Variants in ATP6V1E1 observed in about 807,000 individuals in gnomAD.
The protein encoded by ATP6V1E1 is V-type proton ATPase subunit E 1.
In ATP6V1E1, 21 loss-of-function variants were observed where a neutral mutation model predicts 35.2. That is an observed-to-expected ratio of 0.60 (90% CI 0.42 to 0.86). The LOEUF (loss-of-function observed/expected upper bound fraction) is 0.86, where lower values mean the gene tolerates loss of function less well. Among genes scored for constraint, ATP6V1E1 ranks in the 40% least tolerant of loss-of-function variants. ATP6V1E1 has a pLI of 0.00. For synonymous variants in ATP6V1E1, 83 were observed against 87.8 expected (o/e 0.95, Z 0.30); for missense variants, 183 against 272.6 (o/e 0.67, Z 2.32).
Position 17,600,090 on chromosome 22 carries a change from C to A in ATP6V1E1, c.372G>T (p.Leu124Phe). 1 of 1,613,306 alleles carries A rather than the reference C, an allele frequency of 6.2e-7. No individual in the cohort carries two copies. The highest frequency in any genetic ancestry group is 8.5e-7 in the Non-Finnish European group (1 of 1,179,416). The change falls in exon 6 of 9, where the codon TTG (leucine) becomes TTT (phenylalanine). Residue 124 changes from leucine (L) to phenylalanine (F), a missense_variant. By Grantham distance (22) the Leu-to-Phe change is conservative. Coordinates refer to ENST00000253413, the MANE Select transcript of ATP6V1E1 (RefSeq NM_001696.4). ...TCATTCGGGGCTCCAGCAACTGGTA[C>A]AAACCCTGGAAGAAATAGTAGATAC... ...VLLDGLVLQG[L>F]YQLLEPRMIV...
chr22:17,594,419 A>G, intron 8 of ATP6V1E1, 110 bp downstream of exon 8: 1 of 906,286 alleles, frequency 1.1e-6, no homozygotes, highest in South Asian at 2.4e-5. Flanking sequence ...GAAAATGTCC[A>G]AAACTGGAAA....
At chr22:17,596,079 C>T (rs1007822825) in intron 7 of ATP6V1E1, among the ~76,000 whole-genome samples, 1 of 151,894 alleles carries the variant, frequency 6.6e-6, no homozygotes, top group Non-Finnish European at 1.5e-5. Flanking sequence ...TTGCAGTGAG[C>T]CGAGGTCGTG....
chr22:17,616,879 T>A (rs2057848588), intron 2 of ATP6V1E1, among the ~76,000 whole-genome samples: 1 of 115,224 alleles, frequency 8.7e-6, no homozygotes, highest in Non-Finnish European at 1.8e-5. Context: ...AAACCCCGTC[T>A]CTACTAAAAA....
intron 2 of ATP6V1E1, chr22:17,618,910 G>A: frequency 2.3e-6 from 1 of 435,740 alleles, no homozygotes; most frequent in South Asian, 1.6e-5. Context: ...TGAGGCAGGA[G>A]AATCACTTGA....
intron 4 of ATP6V1E1, among the ~76,000 whole-genome samples, chr22:17,606,850 T>C (rs2057789221): frequency 6.6e-6 from 1 of 152,226 alleles, no homozygotes; most frequent in Non-Finnish European, 1.5e-5. Flanking sequence ...TCTCAAACAT[T>C]GAACACTGTA....
At chr22:17,621,532 C>G (rs1304724758) in intron 1 of ATP6V1E1, among the ~76,000 whole-genome samples, 1 of 152,112 alleles carries the variant, frequency 6.6e-6, no homozygotes, top group Non-Finnish European at 1.5e-5. Flanking sequence ...TGGGCTCAAG[C>G]GATCCTCCTG....
At chr22:17,606,214 G>A (rs1258206379) in intron 4 of ATP6V1E1, among the ~76,000 whole-genome samples, 1 of 152,142 alleles carries the variant, frequency 6.6e-6, no homozygotes. Flanking sequence ...TTTTACCCCA[G>A]TTCTGTATTT....
chr22:17,615,242 A>G, intron 2 of ATP6V1E1, among the ~76,000 whole-genome samples: 1 of 152,132 alleles, frequency 6.6e-6, no homozygotes, highest in African/African-American at 2.4e-5. Context: ...CAGAGATTAC[A>G]GTGAGCCGAG....
At chr22:17,604,745 C>G in intron 4 of ATP6V1E1, among the ~76,000 whole-genome samples, 1 of 152,040 alleles carries the variant, frequency 6.6e-6, no homozygotes, top group Middle Eastern at 3.4e-3. Flanking sequence ...TCTCGAACCC[C>G]GGACCTCATG....
At chr22:17,624,033 G>T (rs2057891360) in intron 1 of ATP6V1E1, among the ~76,000 whole-genome samples, 1 of 152,104 alleles carries the variant, frequency 6.6e-6, no homozygotes. Context: ...TTGTAAATTT[G>T]ATGAAATAAA....
chr22:17,595,707 G>T (rs1601369204), intron 7 of ATP6V1E1, among the ~76,000 whole-genome samples: 1 of 152,230 alleles, frequency 6.6e-6, no homozygotes, highest in South Asian at 2.1e-4. Context: ...TGTAGTCCCA[G>T]CTACTTGAGA....
intron 2 of ATP6V1E1, among the ~76,000 whole-genome samples, chr22:17,618,678 T>C (rs1165254559): frequency 4.0e-5 from 4 of 100,906 alleles, no homozygotes; most frequent in Non-Finnish European, 5.6e-5. Context: ...CGAGACTCCA[T>C]CTCAAAAAAA....
At position 17,597,913 on chromosome 22, in the gene ATP6V1E1, G is replaced by T. The variant is rs377498711; in HGVS notation, c.530+281C>A. On this transcript the variant is annotated intron_variant, in intron 7 of 8. Coordinates refer to ENST00000253413, the MANE Select transcript of ATP6V1E1 (RefSeq NM_001696.4). ...AGGATGGTCTCGATCTCTTGACCTT[G>T]TGATCCACCTGCCTCAGCCTCCCAA... The T allele has an allele frequency of 2.1e-3, 827 of 386,648 alleles. 25 individuals are homozygous for T. The South Asian group carries it at 0.024, about 11-fold the overall frequency. The allele number at this position is 386,648 out of a possible 1,614,324, so 24.0% of individuals were successfully genotyped here. A position where few individuals can be genotyped will look rare whatever the true frequency, so the allele number is the denominator to read the frequency against.
chr22:17,615,041 G>A (rs752436261), intron 2 of ATP6V1E1, among the ~76,000 whole-genome samples: 20 of 151,264 alleles, frequency 1.3e-4, no homozygotes, highest in Non-Finnish European at 2.1e-4. Flanking sequence ...CATGGCTCAC[G>A]CCTATAATCT....
chr22:17,599,939 G>T, intron 6 of ATP6V1E1, 88 bp downstream of exon 6: 3 of 1,039,168 alleles, frequency 2.9e-6, no homozygotes, highest in Non-Finnish European at 4.2e-6. Context: ...AAAAAGAAAA[G>T]GAAGGAAGGA....
Position 17,594,534 on chromosome 22 carries a change from G to T in ATP6V1E1, c.613C>A (p.Gln205Lys). Reference sequence around the variant, plus strand: ...AGAAGTACCCCCACACTCACCTGCTGGGCTATGAGATCCAGCCGGCTTTCC... The same window carrying T: ...AGAAGTACCCCCACACTCACCTGCTTGGCTATGAGATCCAGCCGGCTTTCC... ...TLESRLDLIA[Q>K]QMMPEVRGAL... The change falls in exon 8 of 9, where the codon CAG becomes AAG. Residue 205 changes from glutamine to lysine, a missense_variant. Transcript: ENST00000253413. The T allele has an allele frequency of 6.3e-7, 1 of 1,583,828 alleles. No homozygotes were observed. Among genetic ancestry groups the T allele is most frequent in the East Asian group, 2.3e-5 (1 of 44,038 alleles).
chr22:17,613,088 A>G, intron 3 of ATP6V1E1, 123 bp downstream of exon 3: 1 of 900,226 alleles, frequency 1.1e-6, no homozygotes, highest in Non-Finnish European at 1.7e-6. Context: ...AAGTTAAACA[A>G]TTTGTCAGAT....
intron 2 of ATP6V1E1, among the ~76,000 whole-genome samples, chr22:17,614,944 G>A (rs1318894898): frequency 6.9e-6 from 1 of 144,152 alleles, no homozygotes; most frequent in East Asian, 2.0e-4. Flanking sequence ...AGCAGAGCGA[G>A]ACACCGTTTC....
intron 2 of ATP6V1E1, among the ~76,000 whole-genome samples, chr22:17,618,294 T>C (rs756677843): frequency 2.0e-5 from 3 of 152,196 alleles, no homozygotes; most frequent in Non-Finnish European, 4.4e-5. Flanking sequence ...GGACACTTAT[T>C]GGCATCACAA....
Sources: allele counts gnomAD v4.1 joint callset (sites outside exome capture counted in the v4.1 genomes callset), GRCh38; gene constraint gnomAD v4.1.1; transcripts MANE v1.5; gene names NCBI Gene and HGNC (gene_info 2026-07-23, HGNC 2026-07-21).